IPMK: variants seen among roughly 807,000 people sequenced by gnomAD.
IPMK encodes the protein inositol 1,3,4,6-tetrakisphosphate 5-kinase.
In IPMK, 17 loss-of-function variants were observed where a neutral mutation model predicts 45.8. The observed-to-expected ratio is 0.37, with a 90% CI of 0.25 to 0.56. The LOEUF is 0.56. Among genes scored for constraint, IPMK ranks in the 20% least tolerant of loss-of-function variants. The pLI is 0.79. For missense variants in IPMK, 399 were observed against 498.0 expected, an observed-to-expected ratio of 0.80 and a Z score of 1.89; for synonymous variants, 180 against 184.3, an observed-to-expected ratio of 0.98 and a Z score of 0.19.
At chr10:58,200,706 G>A (rs1837984180) in intron 4 of IPMK, among the ~76,000 whole-genome samples, 1 of 152,156 alleles carries the variant, frequency 6.6e-6, no homozygotes, top group Non-Finnish European at 1.5e-5. Context: ...CTTATGTCAG[G>A]ATAAATTCCA....
intron 4 of IPMK, among the ~76,000 whole-genome samples, chr10:58,202,222 A>G (rs919119088): frequency 2.0e-5 from 3 of 152,192 alleles, no homozygotes; most frequent in Non-Finnish European, 4.4e-5. Flanking sequence ...CCTTCTATTG[A>G]AAAAAATGCC....
chr10:58,218,339 C>G (rs1838280116), intron 3 of IPMK, among the ~76,000 whole-genome samples: 1 of 152,164 alleles, frequency 6.6e-6, no homozygotes, highest in South Asian at 2.1e-4. Flanking sequence ...ACCCAAGCTT[C>G]TGTGTCTAAA....
intron 3 of IPMK, among the ~76,000 whole-genome samples, chr10:58,222,559 A>G (rs1490035304): frequency 2.0e-5 from 3 of 152,204 alleles, no homozygotes; most frequent in Admixed American, 6.5e-5. Flanking sequence ...TTGTATAATA[A>G]ATAAAAGGAT....
At chr10:58,221,905 T>C (rs1298028500) in intron 3 of IPMK, among the ~76,000 whole-genome samples, 1 of 152,042 alleles carries the variant, frequency 6.6e-6, no homozygotes, top group Non-Finnish European at 1.5e-5. Context: ...CCTACCACCA[T>C]GCCCAGCTAA....
intron 1 of IPMK, among the ~76,000 whole-genome samples, chr10:58,240,043 A>G (rs2486480): frequency 0.34 from 51,455 of 152,074 alleles, 10,956 homozygotes; most frequent in African/African-American, 0.61. Context: ...AGGAAAACAT[A>G]AAGCACAATC....
At chr10:58,201,555 GCCTC>G (rs2132143832) in intron 4 of IPMK, among the ~76,000 whole-genome samples, 1 of 152,108 alleles carries the variant, frequency 6.6e-6, no homozygotes, top group South Asian at 2.1e-4. Flanking sequence ...CTCTCTTCAG[GCCTC>G]CCTATCCCCT....
intron 4 of IPMK, among the ~76,000 whole-genome samples, chr10:58,205,558 G>T (rs574481539): frequency 6.6e-6 from 1 of 152,248 alleles, no homozygotes; most frequent in South Asian, 2.1e-4. Context: ...ATGAATTGCT[G>T]GTGGGAATGT....
At chr10:58,255,120 A>G (rs1308056916) in intron 1 of IPMK, among the ~76,000 whole-genome samples, 1 of 152,188 alleles carries the variant, frequency 6.6e-6, no homozygotes, top group Non-Finnish European at 1.5e-5. Flanking sequence ...CTGTCCCCCT[A>G]CAGCTCTATG....
intron 1 of IPMK, among the ~76,000 whole-genome samples, chr10:58,242,204 T>C (rs889688242): frequency 4.0e-5 from 6 of 151,882 alleles, no homozygotes; most frequent in Non-Finnish European, 7.4e-5. Flanking sequence ...AAAGCTGTAA[T>C]AGAAAAAGTA....
intron 1 of IPMK, among the ~76,000 whole-genome samples, chr10:58,242,443 G>A (rs530792338): frequency 8.3e-5 from 11 of 131,998 alleles, no homozygotes; most frequent in African/African-American, 3.4e-4. Flanking sequence ...CTGGGCGACA[G>A]AGCGAGACTC....
intron 1 of IPMK, among the ~76,000 whole-genome samples, chr10:58,246,851 A>C (rs1215813483): frequency 6.6e-6 from 1 of 151,690 alleles, no homozygotes; most frequent in African/African-American, 2.4e-5. Context: ...AGACACTACC[A>C]TCAGAGTGAA....
chr10:58,259,302 GA>G (rs1839021080), intron 1 of IPMK, among the ~76,000 whole-genome samples: 1 of 152,060 alleles, frequency 6.6e-6, no homozygotes, highest in Non-Finnish European at 1.5e-5. Flanking sequence ...TTTTATGCCA[GA>G]AAGTTAAAAA....
intron 1 of IPMK, among the ~76,000 whole-genome samples, chr10:58,244,749 C>G (rs1375716397): frequency 6.6e-6 from 1 of 152,062 alleles, no homozygotes; most frequent in Non-Finnish European, 1.5e-5. Context: ...TACCCCCAAC[C>G]CCCTGCTCTC....
intron 3 of IPMK, 27 bp from the exon 4 acceptor site, chr10:58,216,344 G>A (rs1057363526): frequency 1.7e-6 from 2 of 1,185,000 alleles, no homozygotes; most frequent in African/African-American, 3.2e-5. Flanking sequence ...ATATTAATTA[G>A]TAATAGGCAA....
At chr10:58,227,219 G>A in intron 2 of IPMK, 80 bp from the exon 3 acceptor site, 1 of 1,070,604 alleles carries the variant, frequency 9.3e-7, no homozygotes, top group Non-Finnish European at 1.4e-6. Flanking sequence ...TAAAATTTAT[G>A]TTGAATTATA....
intron 3 of IPMK, among the ~76,000 whole-genome samples, chr10:58,224,819 CA>C (rs1838388865): frequency 6.6e-6 from 1 of 152,152 alleles, no homozygotes; most frequent in African/African-American, 2.4e-5. Flanking sequence ...CACAGTAACG[CA>C]AACCATAGTA....
intron 3 of IPMK, 95 bp from the exon 4 acceptor site, chr10:58,216,412 G>A: frequency 1.9e-6 from 1 of 520,818 alleles, no homozygotes; most frequent in Non-Finnish European, 3.1e-6. Context: ...TCCTAAAACA[G>A]AGAAAAAAGT....
At chr10:58,234,938 G>A (rs571295846) in intron 2 of IPMK, among the ~76,000 whole-genome samples, 24 of 152,018 alleles carry the variant, frequency 1.6e-4, no homozygotes, top group South Asian at 1.5e-3. Flanking sequence ...GCTAATATCC[G>A]GAATCTACAA....
rs1485839314 is a variant in IPMK, at chr10:58,214,322, T to G, written c.546+1823A>C. ...CTGCAGGTAAGGCATGTGCATCTGT[T>G]AGCAAGAAATTAAGGGAAATCCTGT... On this transcript the variant is annotated intron_variant, in intron 4 of 5. Coordinates refer to ENST00000373935, the MANE Select transcript of IPMK (RefSeq NM_152230.5). Among the ~76,000 whole-genome samples, 4 of 152,290 alleles carry G rather than the reference T, an allele frequency of 2.6e-5. No individual in the cohort carries two copies. In the East Asian group the frequency reaches 7.7e-4, roughly 29 times the overall value.
Sources: allele counts gnomAD v4.1 joint callset (sites outside exome capture counted in the v4.1 genomes callset), GRCh38; gene constraint gnomAD v4.1.1; transcripts MANE v1.5; gene names NCBI Gene and HGNC (gene_info 2026-07-23, HGNC 2026-07-21).